The following EDIL3 variants were observed in gnomAD, a reference collection of about 807,000 sequenced individuals.
The protein encoded by EDIL3 is EGF-like repeat and discoidin I-like domain-containing protein 3.
In EDIL3, 37 loss-of-function variants were observed where a neutral mutation model predicts 67.4. That is an observed-to-expected ratio of 0.55 (90% CI 0.42 to 0.72). The LOEUF is 0.72. Among genes scored for constraint, EDIL3 ranks in the 30% least tolerant of loss-of-function variants. The pLI is 0.00. For missense variants in EDIL3, 527 were observed against 586.3 expected (o/e 0.90, Z 1.04); for synonymous variants, 195 against 196.3 (o/e 0.99, Z 0.05).
intron 6 of EDIL3, among the ~76,000 whole-genome samples, chr5:84,080,830 T>G (rs1203698173): frequency 1.3e-5 from 2 of 152,194 alleles, no homozygotes; most frequent in African/African-American, 4.8e-5. Flanking sequence ...AGTATGGAAT[T>G]TAAATGCTTT....
In EDIL3 at chr5:84,260,022, T is replaced by C. The variant is rs571932983; in HGVS notation, c.68-5810A>G. On this transcript the variant is annotated intron_variant, in intron 1 of 10. Coordinates refer to ENST00000296591, the MANE Select transcript of EDIL3 (RefSeq NM_005711.5). ...ATCAGGTAGAAAGGACAGCTGATTT[T>C]GTTCACTGATAATTAAACTCTTGGA... 9.2e-5 allele frequency among the ~76,000 whole-genome samples: 14 copies of C among 152,342 alleles called. No homozygotes were observed. In the South Asian group the frequency reaches 2.9e-3, roughly 32 times the overall value.
At chr5:84,253,671 A>G (rs3756589) in intron 2 of EDIL3, among the ~76,000 whole-genome samples, 16,224 of 152,130 alleles carry the variant, frequency 0.11, 1,082 homozygotes, top group Middle Eastern at 0.15. Flanking sequence ...AGTAATGATT[A>G]GAACAGCTAC....
In EDIL3 at chr5:84,289,650, G is replaced by A. The variant is rs577539692; in HGVS notation, c.68-35438C>T. On this transcript the variant is annotated intron_variant, in intron 1 of 10. Transcript: ENST00000296591. ...TGGTCTTTATCCTACCTGACTTTCC[G>A]TCAACAACTGAGATGACTAACATCT... 1.4e-4 allele frequency among the ~76,000 whole-genome samples: 22 copies of A among 152,102 alleles called. No homozygotes were observed. The South Asian group carries it at 3.9e-3, about 27-fold the overall frequency.
intron 4 of EDIL3, among the ~76,000 whole-genome samples, chr5:84,175,399 C>T (rs1748885290): frequency 6.6e-6 from 1 of 151,998 alleles, no homozygotes; most frequent in African/African-American, 2.4e-5. Flanking sequence ...AAATAAAGAC[C>T]CATAGCAATC....
chr5:84,210,643 C>T (rs1191754482), intron 3 of EDIL3, among the ~76,000 whole-genome samples: 2 of 151,640 alleles, frequency 1.3e-5, no homozygotes, highest in Non-Finnish European at 2.9e-5. Flanking sequence ...AAATTTTTAC[C>T]CATAACTCAC....
At chr5:84,315,575 G>A (rs540841060) in intron 1 of EDIL3, among the ~76,000 whole-genome samples, 32 of 152,266 alleles carry the variant, frequency 2.1e-4, no homozygotes, top group Non-Finnish European at 3.2e-4. Context: ...GGAATTTAAT[G>A]TAATTAATAT....
intron 6 of EDIL3, among the ~76,000 whole-genome samples, chr5:84,096,068 C>T (rs1256238272): frequency 6.6e-6 from 1 of 152,152 alleles, no homozygotes; most frequent in Non-Finnish European, 1.5e-5. Context: ...TATGGAAATG[C>T]CTGGATGCCC....
At chr5:84,141,785 C>T (rs1179156443) in intron 4 of EDIL3, among the ~76,000 whole-genome samples, 2 of 149,228 alleles carry the variant, frequency 1.3e-5, no homozygotes, top group Non-Finnish European at 3.0e-5. Flanking sequence ...ACATAACCCA[C>T]ATTACAGATT....
At chr5:84,207,109 C>T (rs1419178620) in intron 3 of EDIL3, among the ~76,000 whole-genome samples, 2 of 152,072 alleles carry the variant, frequency 1.3e-5, no homozygotes, top group African/African-American at 4.8e-5. Context: ...TCAAATTGTC[C>T]CTGTTTGCAG....
intron 9 of EDIL3, among the ~76,000 whole-genome samples, chr5:84,016,757 A>G (rs1745614161): frequency 1.3e-5 from 2 of 152,326 alleles, no homozygotes; most frequent in South Asian, 2.1e-4. Context: ...ATATGTAAAC[A>G]TTCCAAAATC....
chr5:84,264,778 T>A (rs1287802609), intron 1 of EDIL3, among the ~76,000 whole-genome samples: 1 of 152,120 alleles, frequency 6.6e-6, no homozygotes, highest in Non-Finnish European at 1.5e-5. Context: ...ATGCAGCACA[T>A]CATGATGGCA....
rs1744219855 is a variant in EDIL3 at position 83,941,331 on chromosome 5, A to T, written c.*2088T>A. 6.6e-6 allele frequency: 1 copy of T among 152,222 alleles called. No homozygotes were observed. Among genetic ancestry groups the T allele is most frequent in the Non-Finnish European group, 1.5e-5 (1 of 67,940 alleles). 9.4% of individuals were successfully genotyped at this position (152,222 alleles called of 1,614,324 possible). A position where few individuals can be genotyped will look rare whatever the true frequency, so the allele number is the denominator to read the frequency against. On this transcript the variant is annotated 3_prime_UTR_variant, in exon 11 of 11. Transcript: ENST00000296591. ...CTAAAAGGTAACAAATATAATTTTA[A>T]TCAACTTCCTTGGAAAATATTTTTA... is the stretch of plus-strand genomic sequence containing the variant.
chr5:84,090,960 A>G (rs1018800419), intron 6 of EDIL3, among the ~76,000 whole-genome samples: 19 of 151,884 alleles, frequency 1.3e-4, no homozygotes, highest in Non-Finnish European at 1.9e-4. Context: ...AAAACAAAAA[A>G]AAAAAGAAAA....
At chr5:84,250,770 G>T (rs1180509165) in intron 2 of EDIL3, among the ~76,000 whole-genome samples, 1 of 152,010 alleles carries the variant, frequency 6.6e-6, no homozygotes, top group Non-Finnish European at 1.5e-5. Flanking sequence ...CTTTTTCTAA[G>T]CAAATATAAA....
At position 84,132,860 on chromosome 5, in the gene EDIL3, T is replaced by C. The variant is rs577864121; in HGVS notation, c.469+4381A>G. On this transcript the variant is annotated intron_variant, in intron 5 of 10. Coordinates refer to ENST00000296591, the MANE Select transcript of EDIL3 (RefSeq NM_005711.5). ...TAATTATGATATTTGGAAACATCAC[T>C]TAGTCCTTACTAGAAGATTTTAGTT... Among the ~76,000 whole-genome samples the C allele has an allele frequency of 2.6e-5, 4 of 152,024 alleles. No homozygotes were observed. In the East Asian group the frequency reaches 5.8e-4, roughly 22 times the overall value.
intron 9 of EDIL3, among the ~76,000 whole-genome samples, chr5:84,026,613 G>A (rs1455094246): frequency 6.6e-6 from 1 of 152,006 alleles, no homozygotes; most frequent in Non-Finnish European, 1.5e-5. Flanking sequence ...TTAATATTCA[G>A]TCAGTACAAA....
In EDIL3 at chr5:84,287,492, C is replaced by T. The variant is rs73142692; in HGVS notation, c.68-33280G>A. 4.3e-3 allele frequency among the ~76,000 whole-genome samples: 657 copies of T among 152,128 alleles called. 4 individuals are homozygous for T. Among genetic ancestry groups the T allele is most frequent in the African/African-American group, 0.015 (634 of 41,500 alleles). On this transcript the variant is annotated intron_variant, in intron 1 of 10. Transcript: ENST00000296591. ...ATCAAATCAGCATTTAAATATCTGT[C>T]AAAATGATTGCTAATACAATTTGGA...
chr5:83,983,191 G>T (rs1237706371), intron 9 of EDIL3, among the ~76,000 whole-genome samples: 1 of 152,094 alleles, frequency 6.6e-6, no homozygotes, highest in Non-Finnish European at 1.5e-5. Flanking sequence ...TTCCACTATA[G>T]TACGTATCGC....
At chr5:84,135,271 G>A (rs1007344432) in intron 5 of EDIL3, among the ~76,000 whole-genome samples, 1 of 152,120 alleles carries the variant, frequency 6.6e-6, no homozygotes, top group Non-Finnish European at 1.5e-5. Flanking sequence ...AAAATGGGAA[G>A]GCTTCTCCCC....
Sources: gnomAD v4.1 joint callset for allele counts (sites outside exome capture counted in the v4.1 genomes callset) on GRCh38, gnomAD v4.1.1 for gene constraint, MANE v1.5 for transcripts, NCBI Gene and HGNC (gene_info 2026-07-23, HGNC 2026-07-21) for gene names.